TASOR2: variants seen among roughly 807,000 people sequenced by gnomAD.
The protein encoded by TASOR2 is transcription activation suppressor family member 2.
A neutral mutation model predicts 199.5 loss-of-function variants in TASOR2; 84 were observed. The observed-to-expected ratio is 0.42, with a 90% confidence interval of 0.35 to 0.50. TASOR2 has a LOEUF of 0.50. TASOR2 is among the 20% of genes least tolerant of loss of function. The pLI, the probability that TASOR2 is intolerant of heterozygous loss-of-function variation, is 0.02. For missense variants in TASOR2, 2,796 were observed against 2,835.9 expected (o/e 0.99, Z 0.32); for synonymous variants, 1,103 against 1,046.6 (o/e 1.05, Z -1.04).
Position 5,689,579 on chromosome 10 carries a change from G to A in TASOR2, c.-288+4404G>A, listed in dbSNP as rs1010934573. Reference sequence around the variant, plus strand: ...CACGCCACTGCACTCCAGCCTGGGCGACAGAGCAAGACTCCATCTCAAAAA... The same window carrying A: ...CACGCCACTGCACTCCAGCCTGGGCAACAGAGCAAGACTCCATCTCAAAAA... On this transcript the variant is annotated intron_variant, in intron 1 of 20. Transcript: ENST00000328090. The surrounding 1 kb of genome is among the most constrained non-coding windows in gnomAD (Gnocchi z 4.1). Among the ~76,000 whole-genome samples, 6 of 152,088 alleles carry A rather than the reference G, an allele frequency of 3.9e-5. No individual in the cohort carries two copies. Among genetic ancestry groups the A allele is most frequent in the African/African-American group, 1.2e-4 (5 of 41,406 alleles).
rs1208165813 is a variant in TASOR2, at chr10:5,690,677, G to A, written c.-288+5502G>A. On this transcript the variant is annotated intron_variant, in intron 1 of 20. Transcript: ENST00000328090. This position sits in a 1 kb window ranked among gnomAD's most constrained non-coding sequence, Gnocchi z 4.8. ...TGTTTCTGAGAGGAACTTATTCTCA[G>A]GATATTTTTGTAAGAGGGACAAAAC... 6.6e-6 allele frequency among the ~76,000 whole-genome samples: 1 copy of A among 152,148 alleles called. No individual in the cohort carries two copies. The highest frequency in any genetic ancestry group is 1.5e-5 in the Non-Finnish European group (1 of 68,036).
Position 5,719,613 on chromosome 10 carries a change from G to A in TASOR2, c.-99-931G>A, listed in dbSNP as rs577578266. 6.6e-6 allele frequency among the ~76,000 whole-genome samples: 1 copy of A among 152,182 alleles called. No individual in the cohort carries two copies. Among genetic ancestry groups the A allele is most frequent in the South Asian group, 2.1e-4 (1 of 4,826 alleles). ...CCGCCTCGGCCTCCCAAAGTGCTGGGTTACAGTTGTGAGCCACTGTGCCCA... is the reference window on the plus strand; with the variant it reads ...CCGCCTCGGCCTCCCAAAGTGCTGGATTACAGTTGTGAGCCACTGTGCCCA... On this transcript the variant is annotated intron_variant, in intron 3 of 20. Coordinates refer to ENST00000328090, the Ensembl canonical transcript of TASOR2. This position sits in a 1 kb window ranked among gnomAD's most constrained non-coding sequence, Gnocchi z 4.1.
chr10:5,716,085 G>A (rs1029522557), intron 2 of TASOR2, among the ~76,000 whole-genome samples: 5 of 152,170 alleles, frequency 3.3e-5, no homozygotes, highest in African/African-American at 1.2e-4. Flanking sequence ...GAATACTTCA[G>A]GCAGTTATAA....
chr10:5,731,355 C>G (rs1834786765), intron 11 of TASOR2, 152 bp downstream of exon 12: 1 of 676,470 alleles, frequency 1.5e-6, no homozygotes, highest in Admixed American at 2.9e-5. Context: ...ACGGTGACAC[C>G]CTGTCTCTAC....
chr10:5,717,099 G>A (rs1364958754), intron 2 of TASOR2, among the ~76,000 whole-genome samples: 2 of 150,628 alleles, frequency 1.3e-5, no homozygotes, highest in Non-Finnish European at 2.9e-5. Context: ...TGTTTGAGAG[G>A]CTGGCTTCAG....
chr10:5,744,725 G>T (rs985234445), intron 14 of TASOR2, among the ~76,000 whole-genome samples: 1 of 150,266 alleles, frequency 6.7e-6, no homozygotes, highest in Non-Finnish European at 1.5e-5. Context: ...TCCGCCTCCC[G>T]GGTTCAAGTG....
At chr10:5,735,176 C>A (rs1055588053) in intron 11 of TASOR2, 128 bp from the exon 13 acceptor site, 1 of 1,078,038 alleles carries the variant, frequency 9.3e-7, no homozygotes, top group Non-Finnish European at 1.3e-6. Context: ...CCTGAAACTT[C>A]ATAGTTTATT....
intron 2 of TASOR2, among the ~76,000 whole-genome samples, chr10:5,716,930 A>T (rs974946341): frequency 6.7e-6 from 1 of 148,188 alleles, no homozygotes; most frequent in African/African-American, 2.4e-5. Flanking sequence ...ATATATATAA[A>T]TATAAACATA....
chr10:5,685,290 C>T lies in TASOR2; in HGVS notation c.-288+115C>T. The T allele has an allele frequency of 2.5e-6, 1 of 396,642 alleles. No homozygotes were observed. Among genetic ancestry groups the T allele is most frequent in the Non-Finnish European group, 4.4e-6 (1 of 225,088 alleles). The allele number at this position is 396,642 out of a possible 1,614,324, so 24.6% of individuals were successfully genotyped here. A position where few individuals can be genotyped will look rare whatever the true frequency, so the allele number is the denominator to read the frequency against. ...TGGCTGCGAGGGTCGACGCGTTCTC[C>T]TTGCCTTTTGCCGCGCTCCGGGTGA... On this transcript the variant is annotated intron_variant, in intron 1 of 20. Transcript: ENST00000328090. This position sits in a 1 kb window ranked among gnomAD's most constrained non-coding sequence, Gnocchi z 5.4.
Position 5,701,231 on chromosome 10 carries a change from A to G in TASOR2, c.-287-11592A>G, listed in dbSNP as rs756282960. Among the ~76,000 whole-genome samples the G allele has an allele frequency of 4.5e-4, 68 of 152,286 alleles. No individual in the cohort carries two copies. Among genetic ancestry groups the G allele is most frequent in the Non-Finnish European group, 8.5e-4 (58 of 68,002 alleles). ...CCAGTTTTCCCACCACCGTTTATCA[A>G]AGAGACTGTCCTTTTCCCATTGTAT... is the stretch of plus-strand genomic sequence containing the variant. On this transcript the variant is annotated intron_variant, in intron 1 of 20. Transcript: ENST00000328090. This position sits in a 1 kb window ranked among gnomAD's most constrained non-coding sequence, Gnocchi z 4.9.
chr10:5,746,829 A>T, exon 15 of TASOR2: 1 of 1,614,210 alleles, frequency 6.2e-7, no homozygotes, highest in Non-Finnish European at 8.5e-7. Flanking sequence ...CACTTGATAA[A>T]GCAGTGTGTT....
At chr10:5,753,821 A>G (rs747743215) in intron 15 of TASOR2, among the ~76,000 whole-genome samples, 28 of 152,246 alleles carry the variant, frequency 1.8e-4, no homozygotes, top group Non-Finnish European at 3.4e-4. Flanking sequence ...CTCAGCCTCC[A>G]AAAGCAATCT....
At chr10:5,762,053 G>A (rs1839933143) in intron 19 of TASOR2, among the ~76,000 whole-genome samples, 1 of 152,100 alleles carries the variant, frequency 6.6e-6, no homozygotes, top group African/African-American at 2.4e-5. Flanking sequence ...GAAGCAGGTG[G>A]ATCACTGAGC....
chr10:5,720,721 G>A lies in TASOR2; in HGVS notation c.27-34G>A. The A allele has an allele frequency of 6.2e-7, 1 of 1,613,664 alleles. No individual in the cohort carries two copies. Among genetic ancestry groups the A allele is most frequent in the Non-Finnish European group, 8.5e-7 (1 of 1,179,886 alleles). ...TACTGAATTTGTTCCTTTTACTCTTGTAAACATGTTCTTTTTCTTTCTTTT... is the reference window on the plus strand; with the variant it reads ...TACTGAATTTGTTCCTTTTACTCTTATAAACATGTTCTTTTTCTTTCTTTT... On this transcript the variant is annotated intron_variant, in intron 4 of 20. Transcript: ENST00000328090. The surrounding 1 kb of genome is among the most constrained non-coding windows in gnomAD (Gnocchi z 5.3).
intron 11 of TASOR2, among the ~76,000 whole-genome samples, chr10:5,732,740 A>T (rs975989096): frequency 2.0e-5 from 3 of 152,114 alleles, no homozygotes; most frequent in African/African-American, 7.2e-5. Context: ...TGTAGAGATG[A>T]CGTCTTGCTA....
chr10:5,741,751 G>A (rs764740676), intron 13 of TASOR2, among the ~76,000 whole-genome samples: 2 of 152,264 alleles, frequency 1.3e-5, no homozygotes, highest in East Asian at 1.9e-4. Context: ...GGGTATTGGC[G>A]AAACCATTTC....
Position 5,748,359 on chromosome 10 carries a change from T to A in TASOR2, c.4938T>A (p.Ser1646=). Residue 1646 remains serine, a synonymous_variant, in exon 15 of 21, where the codon TCT becomes TCA. Coordinates refer to ENST00000328090, the Ensembl canonical transcript of TASOR2. The surrounding 1 kb of genome is among the most constrained non-coding windows in gnomAD (Gnocchi z 5.1). ...CTGCCTCGGTTGATGGAGCTTATTC[T>A]ACACAGGGATGCATGTGCTCAGTGG... 6.2e-7 allele frequency: 1 copy of A among 1,614,274 alleles called. No individual in the cohort carries two copies. Among genetic ancestry groups the A allele is most frequent in the Non-Finnish European group, 8.5e-7 (1 of 1,180,052 alleles).
Position 5,749,027 on chromosome 10 carries a change from C to A in TASOR2, c.5606C>A (p.Ser1869Ter), listed in dbSNP as rs376540333. ...GTTCCCACAGATGGCTATGAGTCGT[C>A]GTTGAACTTCCACAACAACAACCAA... Residue 1869 changes from serine (S) to a stop codon, truncating the protein, a stop_gained, in exon 15 of 21, where the codon TCG becomes TAG. Transcript: ENST00000328090. LOFTEE classifies it high-confidence loss of function. 6.2e-7 allele frequency: 1 copy of A among 1,614,130 alleles called. No individual in the cohort carries two copies. Among genetic ancestry groups the A allele is most frequent in the Non-Finnish European group, 8.5e-7 (1 of 1,180,036 alleles).
At position 5,748,639 on chromosome 10, in the gene TASOR2, G is replaced by C. The variant is rs779402724; in HGVS notation, c.5218G>C (p.Glu1740Gln). Residue 1740 changes from glutamate (E) to glutamine (Q), a missense_variant, in exon 15 of 21, where the codon GAA becomes CAA. Glu to Gln is a conservative substitution (Grantham distance 29). This residue lies in a region of TASOR2 where 1,941 missense variants were observed against 1,924.9 expected (regional missense o/e 1.01). Coordinates refer to ENST00000328090, the Ensembl canonical transcript of TASOR2. This position sits in a 1 kb window ranked among gnomAD's most constrained non-coding sequence, Gnocchi z 5.1. Reference sequence around the variant, plus strand: ...CACGCTGCAAGATGTGTCAACATGTGAAACAAAGGAGCTATTGAATGTCGG... The same window carrying C: ...CACGCTGCAAGATGTGTCAACATGTCAAACAAAGGAGCTATTGAATGTCGG... The C allele has an allele frequency of 1.2e-5, 20 of 1,614,096 alleles. No homozygotes were observed. Among genetic ancestry groups the C allele is most frequent in the Middle Eastern group, 1.6e-4 (1 of 6,084 alleles).
Sources: gnomAD v4.1 joint callset for allele counts (sites outside exome capture counted in the v4.1 genomes callset) on GRCh38, gnomAD v4.1.1 for gene constraint, gnomAD v4.1.1 regional missense constraint, Gnocchi (gnomAD v3.1) non-coding constraint, MANE v1.5 for transcripts, NCBI Gene and HGNC (gene_info 2026-07-23, HGNC 2026-07-21) for gene names.